KCNH5: variants seen among roughly 807,000 people sequenced by gnomAD.
KCNH5 encodes the protein potassium voltage-gated channel subfamily H member 5.
A neutral mutation model predicts 96.1 loss-of-function variants in KCNH5; 46 were observed. The ratio of observed to expected loss-of-function variants is 0.48; its 90% CI spans 0.38 to 0.61. The LOEUF (loss-of-function observed/expected upper bound fraction) is 0.61. Ranked by LOEUF, KCNH5 falls within the 20% of genes least tolerant of loss-of-function variation. The pLI is 0.00. For synonymous variants in KCNH5, 439 were observed against 449.8 expected, an observed-to-expected ratio of 0.98 and a Z score of 0.30; for missense variants, 907 against 1,225.8, an observed-to-expected ratio of 0.74 and a Z score of 3.88.
chr14:62,914,109 T>G (rs1436980172), intron 7 of KCNH5, among the ~76,000 whole-genome samples: 2 of 152,202 alleles, frequency 1.3e-5, no homozygotes, highest in Non-Finnish European at 2.9e-5. Flanking sequence ...ACATCAAAGA[T>G]TATTACAAAA....
intron 10 of KCNH5, among the ~76,000 whole-genome samples, chr14:62,749,579 G>A (rs555441054): frequency 6.6e-6 from 1 of 152,316 alleles, no homozygotes; most frequent in Non-Finnish European, 1.5e-5. Flanking sequence ...AGTGTGTTTT[G>A]CACTTGTCCC....
chr14:62,874,042 A>G (rs1054365232), intron 7 of KCNH5, among the ~76,000 whole-genome samples: 1 of 152,260 alleles, frequency 6.6e-6, no homozygotes, highest in Admixed American at 6.5e-5. Context: ...ATTTAAAACA[A>G]GTAAACATAT....
intron 1 of KCNH5, among the ~76,000 whole-genome samples, chr14:63,025,733 A>T (rs2139617689): frequency 6.6e-6 from 1 of 152,156 alleles, no homozygotes; most frequent in South Asian, 2.1e-4. Context: ...ATAAAAGGAA[A>T]TATATCCTGT....
chr14:62,832,044 G>A (rs553456810), intron 8 of KCNH5, among the ~76,000 whole-genome samples: 54 of 152,206 alleles, frequency 3.5e-4, no homozygotes, highest in African/African-American at 1.1e-3. Flanking sequence ...TACATTTATC[G>A]ATATTTCTTT....
intron 8 of KCNH5, among the ~76,000 whole-genome samples, chr14:62,840,289 A>G (rs1487935834): frequency 6.6e-6 from 1 of 152,106 alleles, no homozygotes; most frequent in African/African-American, 2.4e-5. Context: ...AGTATAAGGT[A>G]TAGAGAAATA....
chr14:62,873,631 T>C (rs1349582668), intron 7 of KCNH5, among the ~76,000 whole-genome samples: 1 of 152,212 alleles, frequency 6.6e-6, no homozygotes, highest in African/African-American at 2.4e-5. Context: ...AATCAAACAA[T>C]TATTTTTTTT....
chr14:62,797,812 T>G (rs1484629893), intron 9 of KCNH5, among the ~76,000 whole-genome samples: 1 of 151,468 alleles, frequency 6.6e-6, no homozygotes, highest in Admixed American at 6.6e-5. Context: ...GCCTCCTGGG[T>G]TCAAGCAATT....
Position 62,766,943 on chromosome 14 carries a change from A to T in KCNH5, c.2019+12785T>A, listed in dbSNP as rs1885873980. On this transcript the variant is annotated intron_variant, in intron 10 of 10. Transcript: ENST00000322893. The stretch of plus-strand genomic sequence containing the variant: ...TATATCAAAACATCTCATGTACCCC[A>T]TAAATACATACATCTACTATGTACC... Among the ~76,000 whole-genome samples, 5 of 152,260 alleles carry T rather than the reference A, an allele frequency of 3.3e-5. 1 individual carries two copies. In the South Asian group the frequency reaches 1.0e-3, roughly 32 times the overall value.
At position 62,779,808 on chromosome 14, in the gene KCNH5, G is replaced by A; in HGVS notation, c.1939C>T (p.Leu647Phe). Residue 647 changes from leucine (L) to phenylalanine (F), a missense_variant, in exon 10 of 11, where the codon CTC (leucine) becomes TTC (phenylalanine). By Grantham distance (22) the Leu-to-Phe change is conservative. Transcript: ENST00000322893. ...DLHIIKREAL[L>F]KVLDFYTAFA... ...GCTGTATAAAAGTCCAGGACTTTGA[G>A]CAAGGCTTCCCGCTTGATGATGTGT... The A allele has an allele frequency of 1.9e-6, 3 of 1,614,046 alleles. No homozygotes were observed. The highest frequency in any genetic ancestry group is 2.5e-6 in the Non-Finnish European group (3 of 1,179,914).
intron 8 of KCNH5, among the ~76,000 whole-genome samples, chr14:62,831,690 T>C (rs192573750): frequency 3.3e-5 from 5 of 152,308 alleles, no homozygotes; most frequent in East Asian, 1.9e-4. Flanking sequence ...TTTCTTGTAA[T>C]GTGTTTTGAT....
chr14:62,941,092 G>A (rs958316635), intron 7 of KCNH5, among the ~76,000 whole-genome samples: 2 of 152,188 alleles, frequency 1.3e-5, no homozygotes, highest in African/African-American at 4.8e-5. Flanking sequence ...GGGCTCAAAA[G>A]TATCTAGTGT....
chr14:62,746,635 A>G (rs763256682), intron 10 of KCNH5, among the ~76,000 whole-genome samples: 2 of 152,332 alleles, frequency 1.3e-5, no homozygotes, highest in Non-Finnish European at 2.9e-5. Context: ...CTGCTCTTTT[A>G]AAATGACAGT....
At chr14:63,041,220 T>G (rs1891818484) in intron 1 of KCNH5, among the ~76,000 whole-genome samples, 1 of 152,168 alleles carries the variant, frequency 6.6e-6, no homozygotes, top group Admixed American at 6.6e-5. Context: ...TTTTGTCTTT[T>G]GAATCTAAAT....
At chr14:62,959,131 T>C (rs1890160121) in intron 6 of KCNH5, among the ~76,000 whole-genome samples, 1 of 152,078 alleles carries the variant, frequency 6.6e-6, no homozygotes, top group Admixed American at 6.6e-5. Flanking sequence ...CAATATTTTA[T>C]CATGGAAAAA....
intron 8 of KCNH5, among the ~76,000 whole-genome samples, chr14:62,820,162 A>T (rs969534066): frequency 6.6e-6 from 1 of 152,110 alleles, no homozygotes; most frequent in Non-Finnish European, 1.5e-5. Flanking sequence ...AGCAGCTCTG[A>T]GGGGGGTATA....
chr14:63,022,343 T>C (rs1303045800), intron 1 of KCNH5, among the ~76,000 whole-genome samples: 2 of 152,160 alleles, frequency 1.3e-5, no homozygotes, highest in Non-Finnish European at 2.9e-5. Context: ...ACTCCAGCCC[T>C]CTATCATCTC....
At chr14:62,823,290 A>G (rs1046860106) in intron 8 of KCNH5, among the ~76,000 whole-genome samples, 7 of 152,110 alleles carry the variant, frequency 4.6e-5, no homozygotes, top group African/African-American at 1.7e-4. Flanking sequence ...AATAAGTATA[A>G]TCATTTTCTG....
intron 10 of KCNH5, among the ~76,000 whole-genome samples, chr14:62,759,579 T>TTTTTTTTTTTTTTTTTGAGACGG (rs1885702024): frequency 2.1e-5 from 2 of 93,604 alleles, no homozygotes; most frequent in Admixed American, 1.1e-4. Context: ...GTATATTTTT[T>TTTTTTTTTTTTTTTTTGAGACGG]AATAATTACA....
At chr14:62,865,308 T>TGGTGAATAAG in intron 7 of KCNH5, among the ~76,000 whole-genome samples, 1 of 148,332 alleles carries the variant, frequency 6.7e-6, no homozygotes, top group Middle Eastern at 3.4e-3. Flanking sequence ...AGTCAGTGTC[T>TGGTGAATAAG]GGTGAATAAG....
Sources: allele counts gnomAD v4.1 joint callset (sites outside exome capture counted in the v4.1 genomes callset), GRCh38; gene constraint gnomAD v4.1.1; transcripts MANE v1.5; gene names NCBI Gene and HGNC (gene_info 2026-07-23, HGNC 2026-07-21).